Variants in ZNF626 observed in about 807,000 individuals in gnomAD.
The protein encoded by ZNF626 is zinc finger protein 626.
In ZNF626, 4 loss-of-function variants were observed where a neutral mutation model predicts 11.7. That is an observed-to-expected ratio of 0.34 (90% CI 0.17 to 0.78). ZNF626 has a LOEUF of 0.78. Among genes scored for constraint, ZNF626 ranks in the 30% least tolerant of loss-of-function variants. ZNF626 has a pLI of 0.57. For missense variants in ZNF626, 588 were observed against 587.1 expected (o/e 1.00, Z -0.01); for synonymous variants, 179 against 198.6 (o/e 0.90, Z 0.83).
chr19:20,625,464 G>C lies in ZNF626; in HGVS notation c.413C>G (p.Thr138Arg), dbSNP rs1419237455. ...EGYNELNQCL[T>R]TTPRKICQCD... ...TTGACATATTTTTCTTGGGGTAGTT[G>C]TCAAACATTGGTTAAGTTCATTATA... The change falls in exon 4 of 4, where the codon ACA (threonine) becomes AGA (arginine). Residue 138 changes from threonine (T) to arginine (R), a missense_variant. Transcript: ENST00000601440. 1 of 1,613,916 alleles carries C rather than the reference G, an allele frequency of 6.2e-7. No homozygotes were observed. The highest frequency in any genetic ancestry group is 8.5e-7 in the Non-Finnish European group (1 of 1,179,994).
intron 1 of ZNF626, among the ~76,000 whole-genome samples, chr19:20,650,158 C>T (rs1358554531): frequency 3.3e-5 from 5 of 151,768 alleles, no homozygotes; most frequent in African/African-American, 9.7e-5. Context: ...CCCTGGGAGC[C>T]GGTACTAAGT....
At chr19:20,634,299 A>C (rs988595407) in intron 3 of ZNF626, among the ~76,000 whole-genome samples, 1 of 152,216 alleles carries the variant, frequency 6.6e-6, no homozygotes, top group Non-Finnish European at 1.5e-5. Context: ...CAGTAAAAAA[A>C]CAATTATTTC....
rs973913742 is a variant in ZNF626 at position 20,623,872 on chromosome 19, C to A, written c.*418G>T. 2.9e-6 allele frequency: 1 copy of A among 341,464 alleles called. No homozygotes were observed. Among genetic ancestry groups the A allele is most frequent in the Non-Finnish European group, 5.7e-6 (1 of 175,694 alleles). 21.2% of individuals were successfully genotyped at this position (341,464 alleles called of 1,614,324 possible). A position where few individuals can be genotyped will look rare whatever the true frequency, so the allele number is the denominator to read the frequency against. Reference sequence around the variant, plus strand: ...TCTTCACACTTGTAGGGTTTCTTTCCAGTATGAATTATGTGTAATAAAGGT... The same window carrying A: ...TCTTCACACTTGTAGGGTTTCTTTCAAGTATGAATTATGTGTAATAAAGGT... On this transcript the variant is annotated 3_prime_UTR_variant, in exon 4 of 4. Coordinates refer to ENST00000601440, the MANE Select transcript of ZNF626 (RefSeq NM_001076675.3).
At chr19:20,639,618 T>A (rs1970002232) in intron 3 of ZNF626, among the ~76,000 whole-genome samples, 1 of 152,110 alleles carries the variant, frequency 6.6e-6, no homozygotes, top group Non-Finnish European at 1.5e-5. Flanking sequence ...GTATCTGTAG[T>A]CCTAGCTACT....
In ZNF626 at chr19:20,622,987, G is replaced by A. The variant is rs1969775154; in HGVS notation, c.*1303C>T. Reference sequence around the variant, plus strand: ...TTCTCTGATGTTGAGCAAAGCTTGAGCAACTGCTTCAGGATTTTCCTCTAG... The same window carrying A: ...TTCTCTGATGTTGAGCAAAGCTTGAACAACTGCTTCAGGATTTTCCTCTAG... On this transcript the variant is annotated 3_prime_UTR_variant, in exon 4 of 4. Coordinates refer to ENST00000601440, the MANE Select transcript of ZNF626 (RefSeq NM_001076675.3). 6.6e-6 allele frequency: 1 copy of A among 151,950 alleles called. No homozygotes were observed. The highest frequency in any genetic ancestry group is 2.4e-5 in the African/African-American group (1 of 41,338). The allele number at this position is 151,950 out of a possible 1,614,324, so 9.4% of individuals were successfully genotyped here.
Position 20,646,401 on chromosome 19 carries a change from G to A in ZNF626, c.8C>T (p.Pro3Leu). Residue 3 changes from proline to leucine, a missense_variant, in exon 2 of 4, where the codon CCA becomes CTA. Pro to Leu is a moderately conservative substitution (Grantham distance 98). This residue lies in a region of ZNF626 where 524 missense variants were observed against 470.1 expected (regional missense o/e 1.11). Coordinates refer to ENST00000601440, the MANE Select transcript of ZNF626 (RefSeq NM_001076675.3). ...TATGGCCACATCTCTAAATTGCAATGGTCCCTGAAAAACACACACACACAC... is the reference window on the plus strand; with the variant it reads ...TATGGCCACATCTCTAAATTGCAATAGTCCCTGAAAAACACACACACACAC... MG[P>L]LQFRDVAIEF... The A allele has an allele frequency of 6.2e-7, 1 of 1,613,772 alleles. No homozygotes were observed.
chr19:20,627,333 T>C (rs1170137491), intron 3 of ZNF626, among the ~76,000 whole-genome samples: 7 of 151,982 alleles, frequency 4.6e-5, no homozygotes, highest in East Asian at 3.9e-4. Flanking sequence ...TGATGAAGAA[T>C]TTTTGTATTC....
At chr19:20,646,251 G>A (rs1970075742) in intron 2 of ZNF626, 28 bp downstream of exon 2, 1 of 1,600,864 alleles carries the variant, frequency 6.2e-7, no homozygotes, top group East Asian at 2.2e-5. Context: ...AATCTATAGG[G>A]TATATTATGT....
intron 3 of ZNF626, among the ~76,000 whole-genome samples, chr19:20,631,482 C>T (rs1456894208): frequency 1.3e-5 from 2 of 151,590 alleles, no homozygotes; most frequent in Admixed American, 1.3e-4. Context: ...GTATTGGGTG[C>T]ATATATATTT....
intron 3 of ZNF626, among the ~76,000 whole-genome samples, chr19:20,633,393 A>AC (rs34797083): frequency 0.45 from 68,011 of 151,784 alleles, 16,427 homozygotes; most frequent in African/African-American, 0.64. Flanking sequence ...GGTGGAGCCT[A>AC]AGAGGCAGGC....
intron 1 of ZNF626, among the ~76,000 whole-genome samples, chr19:20,647,122 A>G (rs1457928059): frequency 6.6e-6 from 1 of 152,204 alleles, no homozygotes; most frequent in Non-Finnish European, 1.5e-5. Context: ...TTGGGATTAC[A>G]GGTGGAGAAA....
rs8111015 is a variant in ZNF626 at position 20,625,612 on chromosome 19, G to C, written c.265C>G (p.Gln89Glu). 0.02 allele frequency: 32,028 copies of C among 1,576,126 alleles called. 2,017 individuals carry two copies. The African/African-American group carries it at 0.23, about 11-fold the overall frequency. ...TTTTGGAAAGAATCTTTCATGCTCT[G>C]CTCTGGCCAAAGGTCTTGGGCAAAA... ...SHFAQDLWPE[Q>E]SMKDSFQKVV... is the part of the protein sequence containing the mutation. Residue 89 changes from glutamine (Q) to glutamate (E), a missense_variant, in exon 4 of 4, where the codon CAG (glutamine) becomes GAG (glutamate). By Grantham distance (29) the Gln-to-Glu change is conservative. Coordinates refer to ENST00000601440, the MANE Select transcript of ZNF626 (RefSeq NM_001076675.3).
At chr19:20,634,421 A>T (rs1001140467) in intron 3 of ZNF626, among the ~76,000 whole-genome samples, 4 of 152,358 alleles carry the variant, frequency 2.6e-5, no homozygotes, top group Admixed American at 6.5e-5. Context: ...ACAAAGCCTT[A>T]ACACATTTTT....
chr19:20,623,024 T>G lies in ZNF626; in HGVS notation c.*1266A>C, dbSNP rs1209809302. On this transcript the variant is annotated 3_prime_UTR_variant, in exon 4 of 4. Transcript: ENST00000601440. Reference sequence around the variant, plus strand: ...GGATTTTCCTCTAGTACAAAATGTGTGTAATAAACCTCCTGTATATTTGTA... The same window carrying G: ...GGATTTTCCTCTAGTACAAAATGTGGGTAATAAACCTCCTGTATATTTGTA... The G allele has an allele frequency of 6.6e-6, 1 of 152,192 alleles. No homozygotes were observed. Among genetic ancestry groups the G allele is most frequent in the Non-Finnish European group, 1.5e-5 (1 of 68,026 alleles). The allele number at this position is 152,192 out of a possible 1,614,324, so 9.4% of individuals were successfully genotyped here.
intron 3 of ZNF626, among the ~76,000 whole-genome samples, chr19:20,628,497 T>C (rs1271321923): frequency 6.6e-6 from 1 of 152,210 alleles, no homozygotes; most frequent in African/African-American, 2.4e-5. Flanking sequence ...TGGTATCTCA[T>C]TGTGGTTTTG....
chr19:20,626,135 C>T lies in ZNF626; in HGVS notation c.227-485G>A, dbSNP rs553017724. 1.2e-4 allele frequency among the ~76,000 whole-genome samples: 19 copies of T among 152,110 alleles called. No homozygotes were observed. In the South Asian group the frequency reaches 3.9e-3, roughly 32 times the overall value. On this transcript the variant is annotated intron_variant, in intron 3 of 3. Transcript: ENST00000601440. ...AAATTAGCTGGGTGTGGCGATGGGG[C>T]ACCTGTAATCCCAGCTACTCAGAAG... is the stretch of plus-strand genomic sequence containing the variant.
chr19:20,633,767 G>A (rs557961870), intron 3 of ZNF626, among the ~76,000 whole-genome samples: 3 of 152,226 alleles, frequency 2.0e-5, no homozygotes, highest in South Asian at 2.1e-4. Flanking sequence ...GCCCTGCTTT[G>A]GCTCGTGCAC....
chr19:20,636,414 T>C (rs1407115001), intron 3 of ZNF626, among the ~76,000 whole-genome samples: 1 of 151,946 alleles, frequency 6.6e-6, no homozygotes, highest in Non-Finnish European at 1.5e-5. Flanking sequence ...TTAAATGATG[T>C]GATGTGACAT....
At position 20,620,909 on chromosome 19, in the gene ZNF626, G is replaced by A. The variant is rs7251016; in HGVS notation, c.*3381C>T. The A allele has an allele frequency of 0.56, 82,955 of 149,180 alleles. 24,998 individuals are homozygous for A. The highest frequency in any genetic ancestry group is 0.74 in the East Asian group (3,697 of 5,002). 9.2% of individuals were successfully genotyped at this position (149,180 alleles called of 1,614,324 possible). A position where few individuals can be genotyped will look rare whatever the true frequency, so the allele number is the denominator to read the frequency against. On this transcript the variant is annotated 3_prime_UTR_variant, in exon 4 of 4. Transcript: ENST00000601440. ...GGCTGGAGTGCAGTGGCACGATCTC[G>A]GCTCACTGCAACCTCTGCCTCCTGG...
Sources: allele counts gnomAD v4.1 joint callset (sites outside exome capture counted in the v4.1 genomes callset), GRCh38; gene constraint gnomAD v4.1.1; regional missense constraint gnomAD v4.1.1; transcripts MANE v1.5; gene names NCBI Gene and HGNC (gene_info 2026-07-23, HGNC 2026-07-21).